The following SYTL5 variants were observed in gnomAD, a reference collection of about 807,000 sequenced individuals.
SYTL5 encodes synaptotagmin-like protein 5.
Under a neutral mutation model 55.9 loss-of-function variants are expected in SYTL5, and 34 were observed. The observed-to-expected ratio is 0.61, with a 90% CI of 0.46 to 0.81. SYTL5 has a LOEUF of 0.81. Among genes scored for constraint, SYTL5 ranks in the 30% least tolerant of loss-of-function variants. The pLI is 0.00. For missense variants in SYTL5, 637 were observed against 546.7 expected (o/e 1.17, Z -1.65); for synonymous variants, 221 against 188.7 (o/e 1.17, Z -1.40).
the SYTL5 span, among the ~76,000 whole-genome samples, chrX:37,965,960 A>G: frequency 8.9e-6 from 1 of 112,167 alleles, no homozygotes; most frequent in African/African-American, 3.2e-5. Flanking sequence ...ATCTTTTTCC[A>G]ATCTTTCACT....
chrX:37,969,015 T>C, the SYTL5 span, among the ~76,000 whole-genome samples: 1 of 111,868 alleles, frequency 8.9e-6, no homozygotes, highest in Non-Finnish European at 1.9e-5. Context: ...ATCGACTATT[T>C]TCTTGGTAAC....
the SYTL5 span, among the ~76,000 whole-genome samples, chrX:37,958,392 C>T: frequency 2.7e-5 from 3 of 110,443 alleles, no homozygotes; most frequent in East Asian, 8.5e-4. Context: ...TCAGATCACT[C>T]TTCCTCTTCT....
intron 13 of SYTL5, among the ~76,000 whole-genome samples, chrX:38,112,918 A>G (rs1319997891): frequency 8.9e-6 from 1 of 112,415 alleles, no homozygotes; most frequent in Non-Finnish European, 1.9e-5. Context: ...AGTTACACAT[A>G]CTGATTTCCC....
At chrX:38,090,269 G>T (rs1936765809) in intron 7 of SYTL5, among the ~76,000 whole-genome samples, 1 of 111,914 alleles carries the variant, frequency 8.9e-6, no homozygotes, top group Non-Finnish European at 1.9e-5. Flanking sequence ...TTTAAATCTG[G>T]AAAAGTAGAA....
upstream of SYTL5, among the ~76,000 whole-genome samples, chrX:38,002,615 G>A (rs748127765): frequency 2.7e-5 from 3 of 112,471 alleles, no homozygotes; most frequent in East Asian, 8.4e-4. Context: ...GTGATGGCCA[G>A]TGATGATGAG....
chrX:38,087,294 T>C (rs1435725789), intron 6 of SYTL5, among the ~76,000 whole-genome samples: 1 of 111,933 alleles, frequency 8.9e-6, no homozygotes, highest in Non-Finnish European at 1.9e-5. Flanking sequence ...AATGGGAAAG[T>C]CTCTATGCCT....
At position 38,032,725 on chromosome X, in the gene SYTL5, G is replaced by A. The variant is rs73632430; in HGVS notation, c.-356-809G>A. On this transcript the variant is annotated intron_variant, in intron 1 of 16. Transcript: ENST00000297875. ...GCTATCATTTTTCATGAATTCTTCC[G>A]TAACGTAATTTTTTTTTTAAGAGAC... Among the ~76,000 whole-genome samples, 1,015 of 110,082 alleles carry A rather than the reference G, an allele frequency of 9.2e-3. 12 individuals are homozygous for A. The highest frequency in any genetic ancestry group is 0.032 in the African/African-American group (969 of 30,321).
the SYTL5 span, among the ~76,000 whole-genome samples, chrX:37,912,323 A>G: frequency 8.9e-6 from 1 of 112,018 alleles, no homozygotes; most frequent in Non-Finnish European, 1.9e-5. Flanking sequence ...AACAAGCCCA[A>G]TGCCGTTAAA....
At chrX:38,014,937 G>T (rs932711090) in intron 1 of SYTL5, among the ~76,000 whole-genome samples, 1 of 112,035 alleles carries the variant, frequency 8.9e-6, no homozygotes, top group Admixed American at 9.5e-5. Context: ...ATCTTTGTAG[G>T]TATCTTATTT....
chrX:38,033,036 T>A (rs959961874), intron 1 of SYTL5, among the ~76,000 whole-genome samples: 3 of 112,213 alleles, frequency 2.7e-5, no homozygotes, highest in African/African-American at 9.7e-5. Flanking sequence ...GTAACTTAAT[T>A]TTTTTTATTC....
At chrX:37,927,995 G>A in the SYTL5 span, among the ~76,000 whole-genome samples, 1 of 112,164 alleles carries the variant, frequency 8.9e-6, no homozygotes, top group African/African-American at 3.2e-5. Context: ...TGGAAATGGT[G>A]AGGTTATACA....
At chrX:38,005,324 C>T (rs1464643449), upstream of SYTL5, among the ~76,000 whole-genome samples, 1 of 111,640 alleles carries the variant, frequency 9.0e-6, no homozygotes, top group Non-Finnish European at 1.9e-5. Flanking sequence ...AAAAATTCAA[C>T]ATGCAAAGAA....
chrX:38,026,020 G>C, intron 1 of SYTL5, among the ~76,000 whole-genome samples: 1 of 112,778 alleles, frequency 8.9e-6, no homozygotes, highest in African/African-American at 3.2e-5. Context: ...ATAATCAAAA[G>C]TGTCTGGAAG....
At chrX:37,972,789 G>A in the SYTL5 span, among the ~76,000 whole-genome samples, 1 of 111,587 alleles carries the variant, frequency 9.0e-6, no homozygotes, top group African/African-American at 3.3e-5. Flanking sequence ...GGGACAACTC[G>A]AAGCGGGGGC....
intron 7 of SYTL5, among the ~76,000 whole-genome samples, chrX:38,091,928 T>A (rs1253617637): frequency 1.8e-5 from 2 of 111,828 alleles, no homozygotes; most frequent in African/African-American, 6.5e-5. Context: ...TACATATACA[T>A]AGGCAGTGCC....
the SYTL5 span, among the ~76,000 whole-genome samples, chrX:37,996,413 G>C: frequency 8.9e-6 from 1 of 112,278 alleles, no homozygotes; most frequent in Non-Finnish European, 1.9e-5. Context: ...AGTCTCTCTG[G>C]CCTGTATCCT....
chrX:37,990,755 G>T, the SYTL5 span: 5 of 1,108,029 alleles, frequency 4.5e-6, no homozygotes, highest in Non-Finnish European at 4.7e-6. Context: ...GATACAATAG[G>T]CAGGACTAAG....
At chrX:38,075,767 T>G (rs373430653) in intron 5 of SYTL5, among the ~76,000 whole-genome samples, 2 of 112,173 alleles carry the variant, frequency 1.8e-5, no homozygotes, top group East Asian at 5.6e-4. Context: ...GCCAGTACCT[T>G]TGGAATCCAT....
chrX:37,960,810 A>ATTTT, the SYTL5 span, among the ~76,000 whole-genome samples: 28,874 of 88,407 alleles, frequency 0.33, 3,513 homozygotes, highest in East Asian at 0.55. Flanking sequence ...TTATTTATTT[A>ATTTT]TTTGAGATGG....
Sources: allele counts gnomAD v4.1 joint callset (sites outside exome capture counted in the v4.1 genomes callset), GRCh38; gene constraint gnomAD v4.1.1; transcripts MANE v1.5; gene names NCBI Gene and HGNC (gene_info 2026-07-23, HGNC 2026-07-21).